CCNH: variants seen among roughly 807,000 people sequenced by gnomAD.
CCNH encodes cyclin-H.
Under a neutral mutation model 41.9 loss-of-function variants are expected in CCNH, and 31 were observed. The ratio of observed to expected loss-of-function variants is 0.74; its 90% CI spans 0.56 to 1.00. The LOEUF (loss-of-function observed/expected upper bound fraction) is 1.00, where lower values mean the gene tolerates loss of function less well. CCNH is among the 50% of genes least tolerant of loss of function. CCNH has a pLI of 0.00. For synonymous variants in CCNH, 138 were observed against 136.1 expected (o/e 1.01, Z -0.10); for missense variants, 362 against 388.4 (o/e 0.93, Z 0.57).
intron 9 of CCNH, among the ~76,000 whole-genome samples, chr5:87,324,241 GTACTAA>G (rs1432309437): frequency 1.3e-5 from 2 of 152,126 alleles, no homozygotes; most frequent in African/African-American, 4.8e-5. Flanking sequence ...TGTGCTGTAG[GTACTAA>G]TACTAGCCTC....
At chr5:87,386,980 CT>C, downstream of CCNH, 2 of 1,307,368 alleles carry the variant, frequency 1.5e-6, no homozygotes, top group Non-Finnish European at 2.2e-6. Context: ...AAGCAGCAAT[CT>C]TTAGAAAGAT....
rs777942986 is a variant in CCNH, at chr5:87,395,078, T to C, written c.899A>G (p.Asp300Gly). 1 of 1,611,972 alleles carries C rather than the reference T, an allele frequency of 6.2e-7. No homozygotes were observed. The highest frequency in any genetic ancestry group is 1.1e-5 in the South Asian group (1 of 91,020). ...TTTGGATTTCTTTGAGACGTAATCATCATCTTCATAGCCTTTCCTCTTCTT... is the reference window on the plus strand; with the variant it reads ...TTTGGATTTCTTTGAGACGTAATCACCATCTTCATAGCCTTTCCTCTTCTT... ...ITKKRKGYED[D>G]DYVSKKSKHE... The change falls in exon 8 of 9, where the codon GAT becomes GGT. Residue 300 changes from aspartate (D) to glycine (G), a missense_variant. Asp to Gly is a moderately conservative substitution (Grantham distance 94). Coordinates refer to ENST00000256897, the MANE Select transcript of CCNH (RefSeq NM_001239.4).
chr5:87,337,516 A>T (rs1471607669), intron 9 of CCNH, among the ~76,000 whole-genome samples: 1 of 151,884 alleles, frequency 6.6e-6, no homozygotes. Context: ...TTCTGAAGTA[A>T]CTCTATATCT....
intron 7 of CCNH, among the ~76,000 whole-genome samples, chr5:87,398,520 CT>C (rs1232214692): frequency 1.3e-5 from 2 of 152,192 alleles, no homozygotes; most frequent in African/African-American, 2.4e-5. Flanking sequence ...AAATTCCCAA[CT>C]GCTTAAACAC....
At chr5:87,314,901 G>T (rs1756205902), downstream of CCNH, among the ~76,000 whole-genome samples, 1 of 152,204 alleles carries the variant, frequency 6.6e-6, no homozygotes, top group African/African-American at 2.4e-5. Flanking sequence ...GAGTATGACA[G>T]ATATGTGACC....
At chr5:87,388,253 C>T (rs1005080292), downstream of CCNH, among the ~76,000 whole-genome samples, 18 of 152,138 alleles carry the variant, frequency 1.2e-4, no homozygotes, top group Admixed American at 9.2e-4. Flanking sequence ...AACTGTGTTT[C>T]TCTGTCCCAT....
intron 9 of CCNH, among the ~76,000 whole-genome samples, chr5:87,370,358 A>G (rs1276984564): frequency 3.9e-5 from 6 of 152,216 alleles, no homozygotes; most frequent in Non-Finnish European, 7.4e-5. Context: ...TCGAGATATA[A>G]TGTCTACTTT....
At chr5:87,321,447 G>T (rs1274781453) in intron 9 of CCNH, among the ~76,000 whole-genome samples, 1 of 152,152 alleles carries the variant, frequency 6.6e-6, no homozygotes, top group Non-Finnish European at 1.5e-5. Context: ...CTTCCCACTG[G>T]TTGTAAGTCT....
chr5:87,354,409 T>C (rs1759500036), intron 9 of CCNH, among the ~76,000 whole-genome samples: 1 of 152,170 alleles, frequency 6.6e-6, no homozygotes, highest in South Asian at 2.1e-4. Context: ...TTATATGTTA[T>C]GTTGATCTGT....
chr5:87,320,988 C>A (rs1756753529), intron 9 of CCNH, among the ~76,000 whole-genome samples: 1 of 152,132 alleles, frequency 6.6e-6, no homozygotes, highest in Admixed American at 6.5e-5. Flanking sequence ...TATTGAATAG[C>A]AATTTGTACA....
chr5:87,390,036 T>G (rs943791238), downstream of CCNH, among the ~76,000 whole-genome samples: 1 of 152,186 alleles, frequency 6.6e-6, no homozygotes, highest in Non-Finnish European at 1.5e-5. Flanking sequence ...CCGATGCAAG[T>G]GAACCATGGC....
At chr5:87,321,998 G>A (rs1420039997) in intron 9 of CCNH, among the ~76,000 whole-genome samples, 1 of 152,138 alleles carries the variant, frequency 6.6e-6, no homozygotes, top group South Asian at 2.1e-4. Context: ...TAACAAGGGT[G>A]ATATAGCTTG....
intron 9 of CCNH, chr5:87,369,671 A>T: frequency 1.7e-6 from 1 of 598,084 alleles, no homozygotes; most frequent in Admixed American, 3.0e-5. Context: ...TTTTTTTAGT[A>T]ATGATCTGGT....
At chr5:87,363,259 G>A in intron 9 of CCNH, 1 of 1,181,728 alleles carries the variant, frequency 8.5e-7, no homozygotes, top group Non-Finnish European at 1.2e-6. Context: ...AAAATTGATT[G>A]ATTCATATTT....
chr5:87,396,966 G>A (rs1336885878), intron 7 of CCNH, among the ~76,000 whole-genome samples: 1 of 152,174 alleles, frequency 6.6e-6, no homozygotes, highest in Non-Finnish European at 1.5e-5. Context: ...GGGAACTTTG[G>A]TTTCACTTGT....
At chr5:87,391,062 T>C (rs1217158326), downstream of CCNH, 2 of 695,496 alleles carry the variant, frequency 2.9e-6, no homozygotes, top group Non-Finnish European at 5.2e-6. Context: ...AGCAACCTTG[T>C]AAGCTATCTG....
At chr5:87,363,592 A>G (rs1760276263) in intron 9 of CCNH, 2 of 1,441,350 alleles carry the variant, frequency 1.4e-6, no homozygotes, top group African/African-American at 1.4e-5. Flanking sequence ...AGAGCCCTAA[A>G]ATCATCTTCT....
intron 6 of CCNH, among the ~76,000 whole-genome samples, chr5:87,400,324 C>A (rs1763306016): frequency 6.6e-6 from 1 of 152,154 alleles, no homozygotes; most frequent in African/African-American, 2.4e-5. Context: ...ATCTTAGTAG[C>A]ATTAAACTTC....
intron 9 of CCNH, among the ~76,000 whole-genome samples, chr5:87,355,025 A>G (rs983458510): frequency 6.6e-6 from 1 of 152,186 alleles, no homozygotes; most frequent in East Asian, 1.9e-4. Context: ...AGATTGATTC[A>G]TAAGATTTAA....
Sources: gnomAD v4.1 joint callset for allele counts (sites outside exome capture counted in the v4.1 genomes callset) on GRCh38, gnomAD v4.1.1 for gene constraint, MANE v1.5 for transcripts, NCBI Gene and HGNC (gene_info 2026-07-23, HGNC 2026-07-21) for gene names.